The following SMYD5 variants were observed in gnomAD, a reference collection of about 807,000 sequenced individuals.
SMYD5 encodes SMYD family member 5, also known as protein-lysine N-trimethyltransferase SMYD5.
SMYD5 carries 35 observed loss-of-function variants against 57.4 expected under a neutral mutation model. The ratio of observed to expected loss-of-function variants is 0.61; its 90% CI spans 0.47 to 0.81. SMYD5 has a LOEUF of 0.81. SMYD5 is among the 30% of genes least tolerant of loss of function. The probability of loss-of-function intolerance (pLI) is 0.00; values close to 1 mark genes in which losing one functional copy is unlikely to be tolerated. For synonymous variants in SMYD5, 198 were observed against 189.7 expected (o/e 1.04, Z -0.36); for missense variants, 471 against 527.9 (o/e 0.89, Z 1.06).
At chr2:73,220,282 CTGGTCATGGCCCT>C (rs1359464901) in intron 3 of SMYD5, 92 bp downstream of exon 3, 3 of 1,388,968 alleles carry the variant, frequency 2.2e-6, no homozygotes, top group East Asian at 2.3e-5. Flanking sequence ...AGCGACAGAC[CTGGTCATGGCCCT>C]TGAAAACTAC....
chr2:73,214,496 CG>C, intron 1 of SMYD5, 134 bp downstream of exon 1: 1 of 1,496,624 alleles, frequency 6.7e-7, no homozygotes, highest in Non-Finnish European at 8.9e-7. Flanking sequence ...GCTCGCGGCC[CG>C]GGGGCTCCCA....
intron 2 of SMYD5, 122 bp downstream of exon 2, chr2:73,219,091 A>G: frequency 2.8e-6 from 2 of 713,518 alleles, no homozygotes; most frequent in Non-Finnish European, 5.0e-6. Flanking sequence ...GCTGTCTTCC[A>G]TTGAAGGACT....
chr2:73,225,880 A>AGAGGAG lies in SMYD5; in HGVS notation c.1203_1208dup (p.Glu402_Glu403dup), dbSNP rs752801340. 17 of 1,613,182 alleles carry AGAGGAG rather than the reference A, an allele frequency of 1.1e-5. No individual in the cohort carries two copies. Among genetic ancestry groups the AGAGGAG allele is most frequent in the Middle Eastern group, 1.6e-4 (1 of 6,080 alleles). On this transcript the variant is annotated inframe_insertion, in exon 13 of 13. Coordinates refer to ENST00000389501, the MANE Select transcript of SMYD5 (RefSeq NM_006062.3). ...ATGTGACCTCAGAAGAGGAAGAGGA[A>AGAGGAG]GAGGAGGAGGAGGAGGAAGGAGAGC...
Position 73,214,245 on chromosome 2 carries a change from A to C in SMYD5, c.-22A>C. 3 of 1,612,974 alleles carry C rather than the reference A, an allele frequency of 1.9e-6. No homozygotes were observed. Among genetic ancestry groups the C allele is most frequent in the Non-Finnish European group, 2.5e-6 (3 of 1,179,180 alleles). On this transcript the variant is annotated 5_prime_UTR_variant, in exon 1 of 13. Transcript: ENST00000389501. ...TCAGGTCGAGGCGGGGTTAAGGGTC[A>C]TAAGGCGGAGGCGCGCCCAAGATGG...
chr2:73,214,728 G>A lies in SMYD5; in HGVS notation c.96+366G>A, dbSNP rs927721695. ...GAGGTGTAAAAGAGGGAGTCCTCACGAACTTCATGTGTGAGATTTGGGTGA... is the reference window on the plus strand; with the variant it reads ...GAGGTGTAAAAGAGGGAGTCCTCACAAACTTCATGTGTGAGATTTGGGTGA... On this transcript the variant is annotated intron_variant, in intron 1 of 12. Coordinates refer to ENST00000389501, the MANE Select transcript of SMYD5 (RefSeq NM_006062.3). 3.7e-6 allele frequency: 5 copies of A among 1,341,438 alleles called. No homozygotes were observed. In the Admixed American group the frequency reaches 9.0e-5, roughly 24 times the overall value. 83.1% of individuals were successfully genotyped at this position (1,341,438 alleles called of 1,614,324 possible). A position where few individuals can be genotyped will look rare whatever the true frequency, so the allele number is the denominator to read the frequency against.
chr2:73,223,841 G>A (rs1245148081), intron 9 of SMYD5, 106 bp from the exon 10 acceptor site: 2 of 1,021,142 alleles, frequency 2.0e-6, no homozygotes, highest in African/African-American at 1.6e-5. Flanking sequence ...CCTTAGTGTG[G>A]TGGGGTTGCA....
intron 9 of SMYD5, 46 bp downstream of exon 9, chr2:73,223,578 C>G (rs761024069): frequency 2.5e-5 from 32 of 1,271,636 alleles, no homozygotes; most frequent in Non-Finnish European, 3.5e-5. Context: ...GGCGACCCCC[C>G]CAGTCAGATG....
At chr2:73,219,735 G>A (rs1357327786) in intron 2 of SMYD5, among the ~76,000 whole-genome samples, 1 of 152,200 alleles carries the variant, frequency 6.6e-6, no homozygotes. Flanking sequence ...GTTGGCCCCA[G>A]AGTATGGGAA....
chr2:73,224,971 C>G lies in SMYD5; in HGVS notation c.1035+11C>G. ...ATTAAGCCAGGAGAGGTGAGGGGGA[C>G]CAGGAACCGTCGGGATGGGTGGGCA... is the stretch of plus-strand genomic sequence containing the variant. On this transcript the variant is annotated intron_variant, in intron 11 of 12. Transcript: ENST00000389501. The G allele has an allele frequency of 6.2e-7, 1 of 1,608,128 alleles. No individual in the cohort carries two copies. Among genetic ancestry groups the G allele is most frequent in the Non-Finnish European group, 8.5e-7 (1 of 1,175,184 alleles).
chr2:73,218,937 A>G lies in SMYD5; in HGVS notation c.173A>G (p.Gln58Arg). ...IFVERPLVAA[Q>R]FLWNALYRYR... ...GTAGAACGGCCCCTGGTGGCTGCAC[A>G]GTTTCTCTGGAATGCACTTTATCGC... The change falls in exon 2 of 13, where the codon CAG becomes CGG. Residue 58 changes from glutamine to arginine, a missense_variant. Physicochemically the swap from Gln to Arg is conservative, Grantham distance 43 (BLOSUM62 1). Transcript: ENST00000389501. The G allele has an allele frequency of 1.2e-6, 2 of 1,614,060 alleles. No individual in the cohort carries two copies. Among genetic ancestry groups the G allele is most frequent in the Non-Finnish European group, 1.7e-6 (2 of 1,179,918 alleles).
chr2:73,219,093 TGAAG>T (rs1686339551), intron 2 of SMYD5, 124 bp downstream of exon 2: 1 of 701,436 alleles, frequency 1.4e-6, no homozygotes, highest in African/African-American at 1.7e-5. Flanking sequence ...TGTCTTCCAT[TGAAG>T]GACTGTGCCT....
intron 11 of SMYD5, chr2:73,225,397 G>A: frequency 1.7e-6 from 1 of 600,642 alleles, no homozygotes; most frequent in Non-Finnish European, 3.0e-6. Flanking sequence ...TTTCACCACG[G>A]CCTGAGGCCA....
intron 2 of SMYD5, 135 bp downstream of exon 2, chr2:73,219,104 G>A (rs967270945): frequency 4.4e-6 from 3 of 679,536 alleles, no homozygotes; most frequent in East Asian, 5.5e-5. Flanking sequence ...GAAGGACTGT[G>A]CCTGAGAACC....
intron 6 of SMYD5, among the ~76,000 whole-genome samples, 165 bp from the exon 7 acceptor site, chr2:73,222,590 A>G (rs1686416125): frequency 6.6e-6 from 1 of 152,242 alleles, no homozygotes; most frequent in South Asian, 2.1e-4. Flanking sequence ...GCAGACTGCC[A>G]AAGCTCTTTG....
intron 1 of SMYD5, among the ~76,000 whole-genome samples, chr2:73,216,667 C>G (rs577280246): frequency 6.6e-6 from 1 of 152,270 alleles, no homozygotes; most frequent in East Asian, 1.9e-4. Context: ...TGCACTCCAG[C>G]CTGGGCGACA....
At chr2:73,215,335 G>C (rs1686274436) in intron 1 of SMYD5, among the ~76,000 whole-genome samples, 1 of 151,922 alleles carries the variant, frequency 6.6e-6, no homozygotes, top group African/African-American at 2.4e-5. Flanking sequence ...CCTGTGTAGT[G>C]GCTGTGTGTA....
chr2:73,223,585 G>A (rs1048695379), intron 9 of SMYD5, 53 bp downstream of exon 9: 1 of 1,201,878 alleles, frequency 8.3e-7, no homozygotes, highest in African/African-American at 1.5e-5. Flanking sequence ...CCCCCAGTCA[G>A]ATGGTGGACA....
At position 73,225,968 on chromosome 2, in the gene SMYD5, C is replaced by T; in HGVS notation, c.*22C>T. 6.2e-7 allele frequency: 1 copy of T among 1,602,040 alleles called. No individual in the cohort carries two copies. The highest frequency in any genetic ancestry group is 1.7e-4 in the Middle Eastern group (1 of 6,020). On this transcript the variant is annotated 3_prime_UTR_variant, in exon 13 of 13. Transcript: ENST00000389501. Reference sequence around the variant, plus strand: ...GTGATGTTGCCCTGCCCAGAAAGGGCCCTGCCCTAGACCCTGCCAGAAAAG... The same window carrying T: ...GTGATGTTGCCCTGCCCAGAAAGGGTCCTGCCCTAGACCCTGCCAGAAAAG...
intron 3 of SMYD5, 29 bp from the exon 4 acceptor site, chr2:73,220,632 T>C (rs2103714862): frequency 1.2e-6 from 2 of 1,613,636 alleles, no homozygotes; most frequent in Non-Finnish European, 1.7e-6. Flanking sequence ...GCCAGATCCT[T>C]GGGTACTGAC....
Sources: allele counts gnomAD v4.1 joint callset (sites outside exome capture counted in the v4.1 genomes callset), GRCh38; gene constraint gnomAD v4.1.1; transcripts MANE v1.5; gene names NCBI Gene and HGNC (gene_info 2026-07-23, HGNC 2026-07-21).